Variants in NCALD observed in about 807,000 individuals in gnomAD.
The protein encoded by NCALD is neurocalcin-delta.
In NCALD, 10 loss-of-function variants were observed where a neutral mutation model predicts 18.6. The ratio of observed to expected loss-of-function variants is 0.54; its 90% CI spans 0.33 to 0.91. The LOEUF (loss-of-function observed/expected upper bound fraction) is 0.91. Among genes scored for constraint, NCALD ranks in the 40% least tolerant of loss-of-function variants. NCALD has a pLI of 0.03. For synonymous variants in NCALD, 88 were observed against 87.4 expected (o/e 1.01, Z -0.04); for missense variants, 184 against 247.6 (o/e 0.74, Z 1.72).
chr8:101,835,318 A>AT (rs1814367147), intron 4 of NCALD, among the ~76,000 whole-genome samples: 1 of 152,182 alleles, frequency 6.6e-6, no homozygotes, highest in South Asian at 2.1e-4. Flanking sequence ...ACCAGGGGTC[A>AT]TTTTGCCCCT....
intron 3 of NCALD, among the ~76,000 whole-genome samples, chr8:101,892,198 C>T (rs1816928809): frequency 1.3e-5 from 2 of 149,798 alleles, no homozygotes; most frequent in South Asian, 4.2e-4. Flanking sequence ...CAAGTGGGTC[C>T]CTGACCCCTG....
chr8:101,822,578 G>A (rs950664161), intron 4 of NCALD, among the ~76,000 whole-genome samples: 7 of 152,202 alleles, frequency 4.6e-5, no homozygotes, highest in African/African-American at 1.4e-4. Context: ...CTCCAGCTAC[G>A]TACCCAGTAG....
At chr8:101,965,015 G>C (rs1486050804) in intron 2 of NCALD, among the ~76,000 whole-genome samples, 2 of 152,144 alleles carry the variant, frequency 1.3e-5, no homozygotes, top group African/African-American at 4.8e-5. Context: ...ATGAAAAAAA[G>C]CTCATCATCA....
intron 2 of NCALD, among the ~76,000 whole-genome samples, chr8:101,929,605 G>GAGGAAGGAAGGAAAGGAGGGAGGGA (rs1489903662): frequency 6.2e-4 from 56 of 90,750 alleles, no homozygotes; most frequent in African/African-American, 2.2e-3. Context: ...GGGAGGGAGG[G>GAGGAAGGAAGGAAAGGAGGGAGGGA]AGGAAGGAAG....
At chr8:101,702,427 A>C (rs531920177) in intron 2 of NCALD, among the ~76,000 whole-genome samples, 2 of 151,950 alleles carry the variant, frequency 1.3e-5, no homozygotes, top group African/African-American at 4.8e-5. Flanking sequence ...ACAGAGTCTC[A>C]CTATGTTGCC....
chr8:102,032,618 C>T (rs1822715406), intron 1 of NCALD, among the ~76,000 whole-genome samples: 1 of 70,174 alleles, frequency 1.4e-5, no homozygotes, highest in African/African-American at 5.2e-5. Flanking sequence ...AATAGAAAAA[C>T]TGCTAAAAAA....
intron 4 of NCALD, among the ~76,000 whole-genome samples, chr8:101,836,033 T>A (rs1814399095): frequency 6.6e-6 from 1 of 151,910 alleles, no homozygotes; most frequent in Admixed American, 6.6e-5. Context: ...AAGATGCACA[T>A]GGAAATCCAT....
intron 1 of NCALD, among the ~76,000 whole-genome samples, chr8:102,083,479 G>A (rs898985774): frequency 6.6e-6 from 1 of 152,150 alleles, no homozygotes; most frequent in African/African-American, 2.4e-5. Flanking sequence ...TTACAACTGG[G>A]TGATCCAACA....
At chr8:101,924,902 G>T (rs1818285584) in intron 2 of NCALD, among the ~76,000 whole-genome samples, 2 of 152,088 alleles carry the variant, frequency 1.3e-5, no homozygotes, top group Non-Finnish European at 2.9e-5. Context: ...GAGGATTCAG[G>T]CTTCCCTTAA....
intron 2 of NCALD, among the ~76,000 whole-genome samples, chr8:101,970,529 T>C (rs116917796): frequency 0.019 from 2,960 of 152,278 alleles, 32 homozygotes; most frequent in South Asian, 0.03. Context: ...ATTGTTTTGG[T>C]TGTACAGGCT....
chr8:102,123,034 A>G (rs923619447), intron 1 of NCALD, among the ~76,000 whole-genome samples: 1 of 152,232 alleles, frequency 6.6e-6, no homozygotes, highest in Admixed American at 6.5e-5. Flanking sequence ...TCTCCTTTGT[A>G]GTCTGCATCA....
At chr8:101,966,580 T>C (rs1439464578) in intron 2 of NCALD, among the ~76,000 whole-genome samples, 3 of 151,862 alleles carry the variant, frequency 2.0e-5, no homozygotes, top group East Asian at 1.9e-4. Flanking sequence ...CATGTATACA[T>C]ATGTAACAAA....
intron 4 of NCALD, among the ~76,000 whole-genome samples, chr8:101,840,064 G>A (rs1814578071): frequency 6.6e-6 from 1 of 151,118 alleles, no homozygotes; most frequent in African/African-American, 2.4e-5. Context: ...AGGAAATGAA[G>A]TACTCTTAAA....
At chr8:101,901,685 G>A (rs143027700) in intron 3 of NCALD, among the ~76,000 whole-genome samples, 118 of 152,020 alleles carry the variant, frequency 7.8e-4, no homozygotes, top group African/African-American at 2.5e-3. Context: ...GAACTACATC[G>A]GATAGTGTTA....
chr8:101,899,279 GT>G lies in NCALD; in HGVS notation c.-106-12053del, dbSNP rs1056281377. Among the ~76,000 whole-genome samples the G allele has an allele frequency of 5.3e-5, 8 of 151,838 alleles. No homozygotes were observed. In the South Asian group the frequency reaches 1.0e-3, roughly 20 times the overall value. On this transcript the variant is annotated intron_variant, in intron 3 of 6. Transcript: ENST00000311028. ...TAAACTCATTTATTAGTTCTAAGAG[GT>G]TTTTTCTTTATAGATTCCATTGAAT...
At chr8:101,952,172 TG>T (rs996154112) in intron 2 of NCALD, among the ~76,000 whole-genome samples, 14 of 152,142 alleles carry the variant, frequency 9.2e-5, no homozygotes, top group Non-Finnish European at 1.6e-4. Flanking sequence ...CTGCCCTCCT[TG>T]TCCTCTGTTC....
At chr8:102,042,589 C>T (rs1277224740) in intron 1 of NCALD, among the ~76,000 whole-genome samples, 2 of 151,944 alleles carry the variant, frequency 1.3e-5, no homozygotes, top group Admixed American at 6.6e-5. Flanking sequence ...CACAAGAGAG[C>T]TGGTGTGAGG....
rs1816245997 is a variant in NCALD at position 101,719,393 on chromosome 8, T to C, written c.237A>G (p.Thr79=). 6.2e-7 allele frequency: 1 copy of C among 1,614,148 alleles called. No individual in the cohort carries two copies. The highest frequency in any genetic ancestry group is 8.5e-7 in the Non-Finnish European group (1 of 1,180,054). The change falls in exon 2 of 4, where the codon ACA becomes ACG. Residue 79 remains threonine, a synonymous_variant. Transcript: ENST00000220931. ...FRTFDANGDG[T]IDFREFIIAL... Reference sequence around the variant, plus strand: ...CGATGATGAATTCTCTAAAGTCTATTGTCCCATCTCCATTTGCATCGAAGG... The same window carrying C: ...CGATGATGAATTCTCTAAAGTCTATCGTCCCATCTCCATTTGCATCGAAGG...
At chr8:102,059,704 A>C (rs1823773150) in intron 1 of NCALD, among the ~76,000 whole-genome samples, 1 of 152,330 alleles carries the variant, frequency 6.6e-6, no homozygotes, top group South Asian at 2.1e-4. Flanking sequence ...TTATCTGCTA[A>C]ATTTGTTAAC....
Sources: gnomAD v4.1 joint callset for allele counts (sites outside exome capture counted in the v4.1 genomes callset) on GRCh38, gnomAD v4.1.1 for gene constraint, MANE v1.5 for transcripts, NCBI Gene and HGNC (gene_info 2026-07-23, HGNC 2026-07-21) for gene names.